Variants in DACH2 observed in about 807,000 individuals in gnomAD.
The protein encoded by DACH2 is dachshund homolog 2.
Under a neutral mutation model 35.8 loss-of-function variants are expected in DACH2, and 17 were observed. The observed-to-expected ratio is 0.48, with a 90% CI of 0.33 to 0.71. DACH2 has a LOEUF of 0.71. Among genes scored for constraint, DACH2 ranks in the 30% least tolerant of loss-of-function variants. The pLI is 0.02. For synonymous variants in DACH2, 195 were observed against 177.3 expected, an observed-to-expected ratio of 1.10 and a Z score of -0.79; for missense variants, 469 against 472.7, an observed-to-expected ratio of 0.99 and a Z score of 0.07.
At chrX:86,383,791 T>C (rs145867573) in intron 2 of DACH2, among the ~76,000 whole-genome samples, 4,139 of 108,052 alleles carry the variant, frequency 0.038, 107 homozygotes, top group East Asian at 0.2. Flanking sequence ...AGACTCTAAG[T>C]GGAGTGACAT....
At chrX:86,440,210 G>C (rs1345450973) in intron 2 of DACH2, among the ~76,000 whole-genome samples, 2 of 111,371 alleles carry the variant, frequency 1.8e-5, no homozygotes, top group Non-Finnish European at 3.8e-5. Context: ...ATATCTGATA[G>C]ACGGGTGTTA....
chrX:86,200,016 G>T (rs757867846), intron 1 of DACH2, among the ~76,000 whole-genome samples: 1 of 111,860 alleles, frequency 8.9e-6, no homozygotes, highest in African/African-American at 3.2e-5. Flanking sequence ...AACAAAGCTG[G>T]AAGCATCATG....
intron 1 of DACH2, among the ~76,000 whole-genome samples, chrX:86,182,159 T>A (rs1477895430): frequency 8.9e-6 from 1 of 112,227 alleles, no homozygotes; most frequent in Admixed American, 9.5e-5. Context: ...GATGATCATT[T>A]CTTTGGCTGT....
At chrX:86,506,210 G>T (rs1023747229) in intron 2 of DACH2, among the ~76,000 whole-genome samples, 1 of 111,042 alleles carries the variant, frequency 9.0e-6, no homozygotes, top group Non-Finnish European at 1.9e-5. Context: ...TGTCTCAAAA[G>T]CTCATTGAAA....
intron 6 of DACH2, among the ~76,000 whole-genome samples, chrX:86,729,064 A>G: frequency 8.9e-6 from 1 of 112,172 alleles, no homozygotes; most frequent in Admixed American, 9.4e-5. Flanking sequence ...TTACAACTTC[A>G]GTATGGAAAA....
chrX:86,764,178 T>G (rs757328806), intron 7 of DACH2, among the ~76,000 whole-genome samples: 1 of 112,463 alleles, frequency 8.9e-6, no homozygotes, highest in South Asian at 3.6e-4. Flanking sequence ...CCATACAACA[T>G]CATCCAAGAA....
intron 6 of DACH2, among the ~76,000 whole-genome samples, chrX:86,736,596 T>C (rs2041599202): frequency 1.8e-5 from 2 of 111,502 alleles, no homozygotes; most frequent in Admixed American, 9.6e-5. Context: ...CTTATGATTT[T>C]TATTTACTCA....
chrX:86,559,871 T>G (rs1451167850), intron 3 of DACH2, among the ~76,000 whole-genome samples: 1 of 63,816 alleles, frequency 1.6e-5, no homozygotes, highest in East Asian at 5.0e-4. Flanking sequence ...TACAGCACAC[T>G]GATGGGTCTT....
intron 6 of DACH2, among the ~76,000 whole-genome samples, chrX:86,725,068 C>A (rs997140146): frequency 9.4e-6 from 1 of 106,277 alleles, no homozygotes; most frequent in Non-Finnish European, 1.9e-5. Context: ...TGGTAAATTT[C>A]GCATTTATGT....
At chrX:86,439,812 A>G (rs1383062844) in intron 2 of DACH2, among the ~76,000 whole-genome samples, 1 of 111,315 alleles carries the variant, frequency 9.0e-6, no homozygotes, top group African/African-American at 3.3e-5. Flanking sequence ...AATTTTGAAT[A>G]GTTGTATTTT....
intron 3 of DACH2, among the ~76,000 whole-genome samples, chrX:86,617,148 T>A: frequency 8.9e-6 from 1 of 112,068 alleles, no homozygotes; most frequent in Middle Eastern, 4.7e-3. Context: ...AGTACCATGC[T>A]GTTTTGGTTA....
chrX:86,713,481 A>G (rs1346638626), intron 5 of DACH2, among the ~76,000 whole-genome samples: 1 of 111,817 alleles, frequency 8.9e-6, no homozygotes, highest in Non-Finnish European at 1.9e-5. Context: ...TTGTGCGCAG[A>G]ATCAACATAA....
intron 1 of DACH2, among the ~76,000 whole-genome samples, chrX:86,207,003 A>T (rs986099689): frequency 8.9e-6 from 1 of 111,825 alleles, no homozygotes; most frequent in Non-Finnish European, 1.9e-5. Flanking sequence ...TGATTTTCAA[A>T]CTTAGGAGAA....
chrX:86,312,318 G>A lies in DACH2; in HGVS notation c.489-64506G>A, dbSNP rs370045987. Among the ~76,000 whole-genome samples the A allele has an allele frequency of 4.5e-5, 5 of 111,898 alleles. No homozygotes were observed. The East Asian group carries it at 1.4e-3, about 31-fold the overall frequency. On this transcript the variant is annotated intron_variant, in intron 1 of 11. Coordinates refer to ENST00000373125, the MANE Select transcript of DACH2 (RefSeq NM_053281.3). ...AACTTTATGTAATAGTATTTGGGTTGGGAATTGGTGCCATTTTAGTTGTAC... is the reference window on the plus strand; with the variant it reads ...AACTTTATGTAATAGTATTTGGGTTAGGAATTGGTGCCATTTTAGTTGTAC...
intron 1 of DACH2, among the ~76,000 whole-genome samples, chrX:86,294,242 A>G (rs1268114510): frequency 9.0e-6 from 1 of 110,928 alleles, no homozygotes; most frequent in Non-Finnish European, 1.9e-5. Flanking sequence ...TGCATTCTTC[A>G]CGTAGTTCTC....
intron 1 of DACH2, among the ~76,000 whole-genome samples, chrX:86,154,365 A>T (rs1429868172): frequency 9.0e-6 from 1 of 111,439 alleles, no homozygotes; most frequent in Non-Finnish European, 1.9e-5. Context: ...TTTCCCTCAA[A>T]GCAAAACAAT....
chrX:86,608,690 G>C (rs997928158), intron 3 of DACH2, among the ~76,000 whole-genome samples: 9 of 111,513 alleles, frequency 8.1e-5, no homozygotes, highest in Non-Finnish European at 1.5e-4. Flanking sequence ...TCTCCTTCAT[G>C]TTTAAAGAAT....
intron 2 of DACH2, among the ~76,000 whole-genome samples, chrX:86,423,211 G>C (rs1342026756): frequency 9.0e-6 from 1 of 110,795 alleles, no homozygotes; most frequent in Non-Finnish European, 1.9e-5. Flanking sequence ...GAATAATATG[G>C]TAGCTCAATC....
At chrX:86,553,919 G>A (rs930504351) in intron 3 of DACH2, among the ~76,000 whole-genome samples, 1 of 111,280 alleles carries the variant, frequency 9.0e-6, no homozygotes, top group Non-Finnish European at 1.9e-5. Context: ...ACACATGTCT[G>A]AGTACTGAGG....
Sources: allele counts gnomAD v4.1 joint callset (sites outside exome capture counted in the v4.1 genomes callset), GRCh38; gene constraint gnomAD v4.1.1; transcripts MANE v1.5; gene names NCBI Gene and HGNC (gene_info 2026-07-23, HGNC 2026-07-21).